The following TMEM154 variants were observed in gnomAD, a reference collection of about 807,000 sequenced individuals.
TMEM154 encodes transmembrane protein 154.
In TMEM154, 27 loss-of-function variants were observed where a neutral mutation model predicts 24.5. The observed-to-expected ratio is 1.10, with a 90% CI of 0.81 to 1.52. The LOEUF (loss-of-function observed/expected upper bound fraction) is 1.52. TMEM154 is among the 40% of genes most tolerant of loss of function. The pLI, the probability that TMEM154 is intolerant of heterozygous loss-of-function variation, is 0.00. For synonymous variants in TMEM154, 67 were observed against 76.8 expected, an observed-to-expected ratio of 0.87 and a Z score of 0.67; for missense variants, 228 against 213.4, an observed-to-expected ratio of 1.07 and a Z score of -0.43.
At chr4:152,629,898 T>C (rs1052038848) in intron 6 of TMEM154, among the ~76,000 whole-genome samples, 9 of 152,154 alleles carry the variant, frequency 5.9e-5, no homozygotes, top group African/African-American at 2.2e-4. Context: ...ACATTGTGTA[T>C]AGGTTTGTGT....
intron 4 of TMEM154, among the ~76,000 whole-genome samples, chr4:152,643,479 G>A (rs1752295432): frequency 6.6e-6 from 1 of 152,224 alleles, no homozygotes; most frequent in African/African-American, 2.4e-5. Context: ...AAGTCTGCAA[G>A]GCTCCCAGGG....
Position 152,623,020 on chromosome 4 carries a change from A to T in TMEM154, c.*5526T>A, listed in dbSNP as rs1751865264. Reference sequence around the variant, plus strand: ...CCTGGCTAATTTTTGCATTTTTGTAAAAATGGGGTTTCACCATGTTGGCCA... The same window carrying T: ...CCTGGCTAATTTTTGCATTTTTGTATAAATGGGGTTTCACCATGTTGGCCA... On this transcript the variant is annotated 3_prime_UTR_variant, in exon 7 of 7. Transcript: ENST00000304385. 1 of 152,274 alleles carries T rather than the reference A, an allele frequency of 6.6e-6. No homozygotes were observed. The highest frequency in any genetic ancestry group is 2.1e-4 in the South Asian group (1 of 4,820). 9.4% of individuals were successfully genotyped at this position (152,274 alleles called of 1,614,324 possible).
chr4:152,638,453 T>C (rs1259937160), intron 6 of TMEM154, among the ~76,000 whole-genome samples: 1 of 152,104 alleles, frequency 6.6e-6, no homozygotes, highest in Non-Finnish European at 1.5e-5. Flanking sequence ...GGGACAAAAA[T>C]AATGCTTCGC....
chr4:152,638,925 C>T (rs575590468), intron 6 of TMEM154, among the ~76,000 whole-genome samples: 1 of 152,178 alleles, frequency 6.6e-6, no homozygotes, highest in South Asian at 2.1e-4. Flanking sequence ...GGCTCTAGCT[C>T]ATTTTCTCAT....
chr4:152,640,032 C>T lies in TMEM154; in HGVS notation c.536+896G>A, dbSNP rs137927699. On this transcript the variant is annotated intron_variant, in intron 6 of 6. Transcript: ENST00000304385. The stretch of plus-strand genomic sequence containing the variant: ...AACATCTGACTGCCCCCAACCATTG[C>T]CTAATAATCAGTATTCCCTCGCGAT... Among the ~76,000 whole-genome samples the T allele has an allele frequency of 4.9e-3, 748 of 152,218 alleles. 6 individuals carry two copies. Among genetic ancestry groups the T allele is most frequent in the African/African-American group, 0.016 (685 of 41,516 alleles).
At chr4:152,652,417 A>G in intron 3 of TMEM154, 121 bp downstream of exon 3, 1 of 1,434,184 alleles carries the variant, frequency 7.0e-7, no homozygotes, top group Middle Eastern at 1.8e-4. Flanking sequence ...GGAAAATTTC[A>G]TTGAAATGTA....
intron 3 of TMEM154, among the ~76,000 whole-genome samples, chr4:152,651,571 T>C (rs904343611): frequency 1.3e-5 from 2 of 152,240 alleles, no homozygotes; most frequent in African/African-American, 2.4e-5. Flanking sequence ...CTTTGTAGAA[T>C]TAAGGAGAAT....
In TMEM154 at chr4:152,669,411, T is replaced by A. The variant is rs1272085693; in HGVS notation, c.64+10459A>T. 3.3e-5 allele frequency: 5 copies of A among 152,196 alleles called. No individual in the cohort carries two copies. The East Asian group carries it at 9.6e-4, about 29-fold the overall frequency. The allele number at this position is 152,196 out of a possible 1,614,324, so 9.4% of individuals were successfully genotyped here. On this transcript the variant is annotated intron_variant, in intron 1 of 6. Transcript: ENST00000304385. ...CAGGATGCCTAGTTAAATTTGAGTA[T>A]CAGATAAACAATGAAACATTTTTAG...
intron 3 of TMEM154, among the ~76,000 whole-genome samples, chr4:152,651,164 T>G (rs1248659676): frequency 1.3e-5 from 2 of 151,492 alleles, no homozygotes; most frequent in African/African-American, 4.9e-5. Flanking sequence ...CCTCTCTAGC[T>G]ATTAATAGTC....
chr4:152,634,820 A>G (rs1752116806), intron 6 of TMEM154, among the ~76,000 whole-genome samples: 1 of 152,240 alleles, frequency 6.6e-6, no homozygotes. Flanking sequence ...TCCCTGACTT[A>G]CAGTGGTTAA....
rs372717089 is a variant in TMEM154 at position 152,641,002 on chromosome 4, G to A, written c.479-17C>T. 1.6e-5 allele frequency: 26 copies of A among 1,601,742 alleles called. No individual in the cohort carries two copies. The African/African-American group carries it at 3.2e-4, about 20-fold the overall frequency. Reference sequence around the variant, plus strand: ...CAAAGTCGGCTAGGACAGAATAAAAGCAAACTCATTGTTAGTTACTGAAAT... The same window carrying A: ...CAAAGTCGGCTAGGACAGAATAAAAACAAACTCATTGTTAGTTACTGAAAT... On this transcript the variant is annotated splice_polypyrimidine_tract_variant and intron_variant, in intron 5 of 6. Coordinates refer to ENST00000304385, the MANE Select transcript of TMEM154 (RefSeq NM_152680.3).
At chr4:152,677,088 G>A (rs1277677793) in intron 1 of TMEM154, among the ~76,000 whole-genome samples, 2 of 152,096 alleles carry the variant, frequency 1.3e-5, no homozygotes, top group Non-Finnish European at 2.9e-5. Context: ...AACTTTCTTA[G>A]GATCCTACAC....
At chr4:152,656,906 C>T (rs1320288603) in intron 1 of TMEM154, among the ~76,000 whole-genome samples, 1 of 151,304 alleles carries the variant, frequency 6.6e-6, no homozygotes, top group Non-Finnish European at 1.5e-5. Flanking sequence ...TGAGAGGATA[C>T]AGAAAAACAA....
intron 1 of TMEM154, among the ~76,000 whole-genome samples, chr4:152,675,774 C>T (rs1231124865): frequency 6.6e-6 from 1 of 152,232 alleles, no homozygotes; most frequent in African/African-American, 2.4e-5. Context: ...TCCTGTCTCT[C>T]CATATCTTTG....
At position 152,619,890 on chromosome 4, in the gene TMEM154, GTGT is replaced by G. The variant is rs758810898; in HGVS notation, c.*8653_*8655del. The G allele has an allele frequency of 5.3e-5, 8 of 152,214 alleles. No individual in the cohort carries two copies. In the South Asian group the frequency reaches 1.0e-3, roughly 20 times the overall value. The allele number at this position is 152,214 out of a possible 1,614,324, so 9.4% of individuals were successfully genotyped here. A position where few individuals can be genotyped will look rare whatever the true frequency, so the allele number is the denominator to read the frequency against. ...CAGATTTGTGTGAAAAATAAATTGA[GTGT>G]TGTTGTTTTAAGCTGCTAAGTTTTG... On this transcript the variant is annotated 3_prime_UTR_variant, in exon 7 of 7. Transcript: ENST00000304385.
chr4:152,635,960 T>C (rs1234692188), intron 6 of TMEM154, among the ~76,000 whole-genome samples: 1 of 152,218 alleles, frequency 6.6e-6, no homozygotes, highest in African/African-American at 2.4e-5. Flanking sequence ...ATTTGGCTAA[T>C]ATTTGCGATT....
chr4:152,628,812 AT>A (rs777051841), intron 6 of TMEM154, among the ~76,000 whole-genome samples: 744 of 134,690 alleles, frequency 5.5e-3, no homozygotes, highest in Middle Eastern at 7.7e-3. Flanking sequence ...AATTTTTTGT[AT>A]TTTTTTTTTT....
intron 3 of TMEM154, among the ~76,000 whole-genome samples, chr4:152,652,045 A>T (rs1728393948): frequency 6.6e-6 from 1 of 152,234 alleles, no homozygotes. Flanking sequence ...AATTAAGTTC[A>T]CTGTCTTCTG....
chr4:152,657,229 C>T (rs1728509159), intron 1 of TMEM154, among the ~76,000 whole-genome samples: 1 of 149,196 alleles, frequency 6.7e-6, no homozygotes, highest in South Asian at 2.2e-4. Flanking sequence ...TTTAATGAAA[C>T]AAGGCCAGAT....
Sources: gnomAD v4.1 joint callset for allele counts (sites outside exome capture counted in the v4.1 genomes callset) on GRCh38, gnomAD v4.1.1 for gene constraint, MANE v1.5 for transcripts, NCBI Gene and HGNC (gene_info 2026-07-23, HGNC 2026-07-21) for gene names.